The following HTR6 variants were observed in gnomAD, a reference collection of about 807,000 sequenced individuals.
The protein encoded by HTR6 is 5-hydroxytryptamine receptor 6, also known as 5-hydroxytryptamine (serotonin) receptor 6, G protein-coupled.
Under a neutral mutation model 17.4 loss-of-function variants are expected in HTR6, and 15 were observed. The ratio of observed to expected loss-of-function variants is 0.86; its 90% CI spans 0.58 to 1.33. HTR6 has a LOEUF of 1.33. HTR6 is among the 40% of genes most tolerant of loss of function. The pLI is 0.00. For missense variants in HTR6, 578 were observed against 616.0 expected, an observed-to-expected ratio of 0.94 and a Z score of 0.65; for synonymous variants, 326 against 295.5, an observed-to-expected ratio of 1.10 and a Z score of -1.06.
chr1:19,669,230 A>G (rs948262730), intron 1 of HTR6, among the ~76,000 whole-genome samples: 1 of 152,110 alleles, frequency 6.6e-6, no homozygotes, highest in East Asian at 1.9e-4. Context: ...TTTTCTTTCC[A>G]TGAATCTCGC....
rs1194923203 is a variant in HTR6, at chr1:19,679,833, A to C, written c.*465A>C. Among the ~76,000 whole-genome samples, 1 of 152,204 alleles carries C rather than the reference A, an allele frequency of 6.6e-6. No homozygotes were observed. Among genetic ancestry groups the C allele is most frequent in the Non-Finnish European group, 1.5e-5 (1 of 68,030 alleles). On this transcript the variant is annotated 3_prime_UTR_variant, in exon 3 of 3. Coordinates refer to ENST00000289753, the MANE Select transcript of HTR6 (RefSeq NM_000871.3). The surrounding 1 kb of genome is among the most constrained non-coding windows in gnomAD (Gnocchi z 4.9). ...CTTTGGGAGTTTGTGAAAAATGCAC[A>C]TCTCTGCCCCTGCCCAGACCTGCTG...
intron 1 of HTR6, among the ~76,000 whole-genome samples, chr1:19,668,226 C>A (rs1344581918): frequency 1.3e-5 from 2 of 152,160 alleles, no homozygotes; most frequent in Admixed American, 1.3e-4. Flanking sequence ...AGGCCATATA[C>A]CCTGGGTTCT....
rs571488159 is a variant in HTR6, at chr1:19,679,419, C to T, written c.*51C>T. On this transcript the variant is annotated 3_prime_UTR_variant, in exon 3 of 3. Coordinates refer to ENST00000289753, the MANE Select transcript of HTR6 (RefSeq NM_000871.3). The surrounding 1 kb of genome is among the most constrained non-coding windows in gnomAD (Gnocchi z 4.9). Reference sequence around the variant, plus strand: ...GAGCTGGATTGAGCAGAACCCAGACCCTGAGTCCTTGGGCCAGCTCTTGGC... The same window carrying T: ...GAGCTGGATTGAGCAGAACCCAGACTCTGAGTCCTTGGGCCAGCTCTTGGC... 1.3e-6 allele frequency: 2 copies of T among 1,492,436 alleles called. No individual in the cohort carries two copies. The highest frequency in any genetic ancestry group is 1.8e-6 in the Non-Finnish European group (2 of 1,118,788). 92.4% of individuals were successfully genotyped at this position (1,492,436 alleles called of 1,614,324 possible).
chr1:19,665,681 C>T lies in HTR6; in HGVS notation c.-73C>T. 2.9e-6 allele frequency: 3 copies of T among 1,023,034 alleles called. No individual in the cohort carries two copies. The highest frequency in any genetic ancestry group is 1.7e-5 in the African/African-American group (1 of 58,748). 63.4% of individuals were successfully genotyped at this position (1,023,034 alleles called of 1,614,324 possible). A position where few individuals can be genotyped will look rare whatever the true frequency, so the allele number is the denominator to read the frequency against. On this transcript the variant is annotated 5_prime_UTR_variant, in exon 1 of 3. Transcript: ENST00000289753. This position sits in a 1 kb window ranked among gnomAD's most constrained non-coding sequence, Gnocchi z 4.2. ...GTTCTCACGGACGGTCCCCGTCCAG[C>T]CTGCGCTTCGCCGGGGCCCTCATCT...
chr1:19,665,758 T>C lies in HTR6; in HGVS notation c.5T>C (p.Val2Ala), dbSNP rs2095080618. Reference protein sequence around the residue: MVPEPGPTANST... With the variant: MAPEPGPTANST... Reference sequence around the variant, plus strand: ...TGCCGTCCACCCTCGGTCCTCATGGTCCCAGAGCCGGGCCCAACCGCCAAT... The same window carrying C: ...TGCCGTCCACCCTCGGTCCTCATGGCCCCAGAGCCGGGCCCAACCGCCAAT... The change falls in exon 1 of 3, where the codon GTC (valine) becomes GCC (alanine). Residue 2 changes from valine to alanine, a missense_variant. Coordinates refer to ENST00000289753, the MANE Select transcript of HTR6 (RefSeq NM_000871.3). This position sits in a 1 kb window ranked among gnomAD's most constrained non-coding sequence, Gnocchi z 4.2. 1 of 1,490,238 alleles carries C rather than the reference T, an allele frequency of 6.7e-7. No individual in the cohort carries two copies. Among genetic ancestry groups the C allele is most frequent in the South Asian group, 1.4e-5 (1 of 70,954 alleles). The allele number at this position is 1,490,238 out of a possible 1,614,324, so 92.3% of individuals were successfully genotyped here. A position where few individuals can be genotyped will look rare whatever the true frequency, so the allele number is the denominator to read the frequency against.
At chr1:19,669,431 C>T (rs998805008) in intron 1 of HTR6, among the ~76,000 whole-genome samples, 4 of 152,208 alleles carry the variant, frequency 2.6e-5, no homozygotes, top group African/African-American at 9.6e-5. Context: ...GGTGGGGAAA[C>T]TGAGGCTCAG....
chr1:19,679,219 C>G lies in HTR6; in HGVS notation c.1174C>G (p.Leu392Val). 6.4e-7 allele frequency: 1 copy of G among 1,569,082 alleles called. No homozygotes were observed. Among genetic ancestry groups the G allele is most frequent in the South Asian group, 1.2e-5 (1 of 86,872 alleles). Residue 392 changes from leucine to valine, a missense_variant, in exon 3 of 3, where the codon CTG (leucine) becomes GTG (valine). By Grantham distance (32) the Leu-to-Val change is conservative. Coordinates refer to ENST00000289753, the MANE Select transcript of HTR6 (RefSeq NM_000871.3). The surrounding 1 kb of genome is among the most constrained non-coding windows in gnomAD (Gnocchi z 4.9). ...CGCAGGCTCAGGCGGCTCCTCGGGC[C>G]TGCGGCTCACGGCCCAGCTGCTGCT... ...SDAGSGGSSG[L>V]RLTAQLLLPG... is the part of the protein sequence containing the mutation.
Position 19,666,062 on chromosome 1 carries a change from C to A in HTR6, c.309C>A (p.Thr103=), listed in dbSNP as rs201956269. Residue 103 remains threonine, a synonymous_variant, in exon 1 of 3, where the codon ACC becomes ACA. Coordinates refer to ENST00000289753, the MANE Select transcript of HTR6 (RefSeq NM_000871.3). The surrounding 1 kb of genome is among the most constrained non-coding windows in gnomAD (Gnocchi z 4.5). ...VLARGLCLLW[T]AFDVMCCSAS... is the part of the protein sequence containing the mutation. ...CGCGCGGCCTCTGCCTGCTCTGGACCGCCTTCGACGTGATGTGCTGCAGCG... is the reference window on the plus strand; with the variant it reads ...CGCGCGGCCTCTGCCTGCTCTGGACAGCCTTCGACGTGATGTGCTGCAGCG... 8.7e-6 allele frequency: 14 copies of A among 1,613,230 alleles called. No individual in the cohort carries two copies. Among genetic ancestry groups the A allele is most frequent in the Non-Finnish European group, 1.2e-5 (14 of 1,179,830 alleles).
chr1:19,668,979 C>T (rs577730431), intron 1 of HTR6, among the ~76,000 whole-genome samples: 5 of 152,274 alleles, frequency 3.3e-5, no homozygotes, highest in South Asian at 2.1e-4. Flanking sequence ...GTAGCATCAA[C>T]GTGGGACTTT....
In HTR6 at chr1:19,667,968, C is replaced by A. The variant is rs555188921; in HGVS notation, c.714+1501C>A. Among the ~76,000 whole-genome samples, 5 of 144,228 alleles carry A rather than the reference C, an allele frequency of 3.5e-5. No homozygotes were observed. The South Asian group carries it at 1.1e-3, about 31-fold the overall frequency. 94.6% of individuals were successfully genotyped at this position (144,228 alleles called of 152,430 possible). A position where few individuals can be genotyped will look rare whatever the true frequency, so the allele number is the denominator to read the frequency against. On this transcript the variant is annotated intron_variant, in intron 1 of 2. Coordinates refer to ENST00000289753, the MANE Select transcript of HTR6 (RefSeq NM_000871.3). Reference sequence around the variant, plus strand: ...GGTCACTGGGCACATGGGGACTTGGCAGAGGGGTGAAAGGCTAACACCCTC... The same window carrying A: ...GGTCACTGGGCACATGGGGACTTGGAAGAGGGGTGAAAGGCTAACACCCTC...
chr1:19,669,056 C>T (rs1271841222), intron 1 of HTR6, among the ~76,000 whole-genome samples: 2 of 152,228 alleles, frequency 1.3e-5, no homozygotes, highest in Non-Finnish European at 2.9e-5. Context: ...CTGTGATTCA[C>T]TCATTTTATG....
In HTR6 at chr1:19,665,353, G is replaced by A. The variant is rs116449559; in HGVS notation, c.-401G>A. Reference sequence around the variant, plus strand: ...TTCCCACTTCCCCGCACTCTGACCCGGCCGGACGCCCCTCCCCTATCTTGC... The same window carrying A: ...TTCCCACTTCCCCGCACTCTGACCCAGCCGGACGCCCCTCCCCTATCTTGC... On this transcript the variant is annotated 5_prime_UTR_variant, in exon 1 of 3. Coordinates refer to ENST00000289753, the MANE Select transcript of HTR6 (RefSeq NM_000871.3). This position sits in a 1 kb window ranked among gnomAD's most constrained non-coding sequence, Gnocchi z 4.2. The A allele has an allele frequency of 7.7e-3, 1,139 of 148,458 alleles. 14 individuals are homozygous for A. The highest frequency in any genetic ancestry group is 0.029 in the African/African-American group (1,070 of 36,808). 9.2% of individuals were successfully genotyped at this position (148,458 alleles called of 1,614,324 possible).
At chr1:19,676,022 C>T (rs954642890) in intron 1 of HTR6, among the ~76,000 whole-genome samples, 8 of 152,096 alleles carry the variant, frequency 5.3e-5, no homozygotes, top group African/African-American at 1.9e-4. Flanking sequence ...ATCTGAGCCG[C>T]AGCGTGGTGA....
Position 19,679,367 on chromosome 1 carries a change from G to T in HTR6, c.1322G>T (p.Ter441LeuextTer69). 6.3e-7 allele frequency: 1 copy of T among 1,582,298 alleles called. No homozygotes were observed. Among genetic ancestry groups the T allele is most frequent in the South Asian group, 1.1e-5 (1 of 86,990 alleles). The change falls in exon 3 of 3, where the codon TGA becomes TTA. Residue 441 changes from the stop codon to leucine (L), a stop_lost. Coordinates refer to ENST00000289753, the MANE Select transcript of HTR6 (RefSeq NM_000871.3). This position sits in a 1 kb window ranked among gnomAD's most constrained non-coding sequence, Gnocchi z 4.9. The stretch of plus-strand genomic sequence containing the variant: ...CATCCACTTGGCATCCCCACGAACT[G>T]ACCCGGGCTTGGGGCTGGCCAATGG... ...RPHPLGIPTN[*>L] is the part of the protein sequence containing the mutation.
In HTR6 at chr1:19,665,745, T is replaced by G. The variant is rs746415893; in HGVS notation, c.-9T>G. 1 of 1,469,400 alleles carries G rather than the reference T, an allele frequency of 6.8e-7. No homozygotes were observed. The highest frequency in any genetic ancestry group is 9.0e-7 in the Non-Finnish European group (1 of 1,112,558). The allele number at this position is 1,469,400 out of a possible 1,614,324, so 91.0% of individuals were successfully genotyped here. On this transcript the variant is annotated 5_prime_UTR_variant, in exon 1 of 3. Transcript: ENST00000289753. The surrounding 1 kb of genome is among the most constrained non-coding windows in gnomAD (Gnocchi z 4.2). ...CCTATCACTCCCTTGCCGTCCACCC[T>G]CGGTCCTCATGGTCCCAGAGCCGGG...
At chr1:19,671,045 G>A (rs933631515) in intron 1 of HTR6, among the ~76,000 whole-genome samples, 1 of 152,136 alleles carries the variant, frequency 6.6e-6, no homozygotes, top group Non-Finnish European at 1.5e-5. Flanking sequence ...AGTGGTGAAC[G>A]AGACCAACAG....
At chr1:19,671,192 G>A (rs2095087558) in intron 1 of HTR6, among the ~76,000 whole-genome samples, 1 of 152,210 alleles carries the variant, frequency 6.6e-6, no homozygotes, top group African/African-American at 2.4e-5. Flanking sequence ...CACTGTGTAT[G>A]TTTGAAGATG....
chr1:19,677,297 C>G (rs1333746603), intron 1 of HTR6, among the ~76,000 whole-genome samples: 1 of 151,974 alleles, frequency 6.6e-6, no homozygotes, highest in Non-Finnish European at 1.5e-5. Context: ...AAGAGCACTG[C>G]TGAGCTAAAG....
chr1:19,676,632 G>A (rs546232423), intron 1 of HTR6, among the ~76,000 whole-genome samples: 2 of 152,188 alleles, frequency 1.3e-5, no homozygotes, highest in Non-Finnish European at 2.9e-5. Context: ...AGAAAGAGCC[G>A]GGGCTGGAGG....
Sources: gnomAD v4.1 joint callset for allele counts (sites outside exome capture counted in the v4.1 genomes callset) on GRCh38, gnomAD v4.1.1 for gene constraint, Gnocchi (gnomAD v3.1) non-coding constraint, MANE v1.5 for transcripts, NCBI Gene and HGNC (gene_info 2026-07-23, HGNC 2026-07-21) for gene names.